The following RPS6KA3 variants were observed in gnomAD, a reference collection of about 807,000 sequenced individuals.
RPS6KA3 encodes ribosomal protein S6 kinase A3, also known as ribosomal protein S6 kinase alpha-3.
In RPS6KA3, 4 loss-of-function variants were observed where a neutral mutation model predicts 67.2. The observed-to-expected ratio is 0.06, with a 90% CI of 0.03 to 0.14. RPS6KA3 has a LOEUF of 0.14. Ranked by LOEUF, RPS6KA3 falls within the 10% of genes least tolerant of loss-of-function variation. RPS6KA3 has a pLI of 1.00. For missense variants in RPS6KA3, 204 were observed against 559.0 expected (o/e 0.36, Z 6.40); for synonymous variants, 182 against 183.7 (o/e 0.99, Z 0.07).
intron 1 of RPS6KA3, among the ~76,000 whole-genome samples, chrX:20,261,404 C>A (rs2070226124): frequency 8.9e-6 from 1 of 111,981 alleles, no homozygotes; most frequent in Admixed American, 9.4e-5. Context: ...TATCACATGA[C>A]CCCATAAAAA....
intron 1 of RPS6KA3, among the ~76,000 whole-genome samples, chrX:20,255,622 A>C (rs1238961687): frequency 9.2e-6 from 1 of 108,380 alleles, no homozygotes; most frequent in African/African-American, 3.4e-5. Flanking sequence ...CCCTGTCTCT[A>C]CTAAAAATAC....
intron 4 of RPS6KA3, among the ~76,000 whole-genome samples, chrX:20,200,685 T>C (rs1399859066): frequency 9.0e-6 from 1 of 111,423 alleles, no homozygotes; most frequent in East Asian, 2.8e-4. Flanking sequence ...TCTCTATTTT[T>C]CCTTATTAAA....
At chrX:20,156,446 A>G (rs1441287816) in intron 20 of RPS6KA3, among the ~76,000 whole-genome samples, 197 bp from the exon 21 acceptor site, 1 of 111,742 alleles carries the variant, frequency 8.9e-6, no homozygotes, top group Admixed American at 9.5e-5. Context: ...AATTTGGTGC[A>G]TCACAAGGGG....
At chrX:20,176,861 G>T in intron 11 of RPS6KA3, 135 bp downstream of exon 11, 1 of 509,894 alleles carries the variant, frequency 2.0e-6, no homozygotes, top group South Asian at 3.0e-5. Flanking sequence ...CAAAGTGCTG[G>T]GATTACAGGC....
At chrX:20,176,198 G>GA in intron 13 of RPS6KA3, 52 bp downstream of exon 13, 2 of 842,042 alleles carry the variant, frequency 2.4e-6, no homozygotes, top group Non-Finnish European at 3.6e-6. Flanking sequence ...GATGAAACAA[G>GA]AAAAAAACAT....
intron 2 of RPS6KA3, 109 bp downstream of exon 2, chrX:20,234,649 C>T (rs1006061076): frequency 3.5e-6 from 2 of 575,628 alleles, no homozygotes; most frequent in Non-Finnish European, 3.0e-6. Context: ...GTGAAAGGAT[C>T]GACAAGTTTC....
At chrX:20,264,909 A>C (rs978608524) in intron 1 of RPS6KA3, among the ~76,000 whole-genome samples, 3 of 112,196 alleles carry the variant, frequency 2.7e-5, no homozygotes, top group African/African-American at 9.7e-5. Context: ...TCTGGGGAAA[A>C]ATATGACGAG....
At chrX:20,188,664 TGGCAAA>T in intron 7 of RPS6KA3, 130 bp from the exon 8 acceptor site, 1 of 427,108 alleles carries the variant, frequency 2.3e-6, no homozygotes, top group Non-Finnish European at 4.2e-6. Flanking sequence ...GTGAATAAGA[TGGCAAA>T]GGCAAAGGAG....
chrX:20,260,962 G>A (rs1257964967), intron 1 of RPS6KA3, among the ~76,000 whole-genome samples: 5 of 111,893 alleles, frequency 4.5e-5, no homozygotes, highest in Non-Finnish European at 7.5e-5. Flanking sequence ...ACCCCACAAA[G>A]TCCCTTCTAA....
rs758481332 is a variant in RPS6KA3, at chrX:20,152,609, G to C, written c.*2789C>G. On this transcript the variant is annotated 3_prime_UTR_variant, in exon 22 of 22. Coordinates refer to ENST00000379565, the MANE Select transcript of RPS6KA3 (RefSeq NM_004586.3). The stretch of plus-strand genomic sequence containing the variant: ...AACTGTAGGGGCCTGAATAATTGAT[G>C]TTGAGAAATTAATGGAAAAGTTAAC... 8.9e-6 allele frequency: 1 copy of C among 112,259 alleles called. No homozygotes were observed. Among genetic ancestry groups the C allele is most frequent in the African/African-American group, 3.2e-5 (1 of 30,950 alleles). 9.3% of individuals were successfully genotyped at this position (112,259 alleles called of 1,213,427 possible).
intron 17 of RPS6KA3, among the ~76,000 whole-genome samples, chrX:20,166,542 T>C (rs905955490): frequency 9.0e-6 from 1 of 111,048 alleles, no homozygotes; most frequent in African/African-American, 3.3e-5. Context: ...TATATATGCA[T>C]GTATCAAAAC....
chrX:20,198,283 A>G (rs1473231318), intron 4 of RPS6KA3, among the ~76,000 whole-genome samples: 1 of 112,254 alleles, frequency 8.9e-6, no homozygotes, highest in Non-Finnish European at 1.9e-5. Flanking sequence ...AAAGCTAAAA[A>G]TCTAAGCCTA....
At chrX:20,250,849 T>C (rs1359366564) in intron 1 of RPS6KA3, among the ~76,000 whole-genome samples, 3 of 112,244 alleles carry the variant, frequency 2.7e-5, no homozygotes, top group Non-Finnish European at 3.8e-5. Context: ...TAGGTTTTGC[T>C]ATCAGGATAA....
rs768758255 is a variant in RPS6KA3, at chrX:20,159,178, A to G, written c.1959+2466T>C. ...CTCAATTTCTCTTCCATTTGGCTCA[A>G]ATTCCATCACAACTGCTCTAATATA... On this transcript the variant is annotated intron_variant, in intron 20 of 21. Transcript: ENST00000379565. Among the ~76,000 whole-genome samples, 9 of 112,333 alleles carry G rather than the reference A, an allele frequency of 8.0e-5. No homozygotes were observed. In the South Asian group the frequency reaches 2.9e-3, roughly 37 times the overall value.
intron 10 of RPS6KA3, among the ~76,000 whole-genome samples, chrX:20,178,636 C>CT (rs757383642): frequency 0.038 from 1,503 of 39,429 alleles, 227 homozygotes; most frequent in Middle Eastern, 0.12. Flanking sequence ...CCACACCTGG[C>CT]TTTTTTTTTT....
intron 1 of RPS6KA3, among the ~76,000 whole-genome samples, chrX:20,244,432 A>G (rs752230713): frequency 1.1e-4 from 12 of 112,782 alleles, no homozygotes; most frequent in African/African-American, 3.9e-4. Flanking sequence ...TACTGGGTCA[A>G]GGAAATAAGT....
chrX:20,242,651 T>C (rs1001098325), intron 1 of RPS6KA3, among the ~76,000 whole-genome samples: 1 of 111,930 alleles, frequency 8.9e-6, no homozygotes, highest in Non-Finnish European at 1.9e-5. Flanking sequence ...CCAAAAGTAA[T>C]AATGTAAGAA....
rs973130874 is a variant in RPS6KA3 at position 20,155,060 on chromosome X, T to C, written c.*338A>G. The C allele has an allele frequency of 7.6e-6, 2 of 263,700 alleles. No individual in the cohort carries two copies. Among genetic ancestry groups the C allele is most frequent in the African/African-American group, 5.6e-5 (2 of 35,852 alleles). 21.7% of individuals were successfully genotyped at this position (263,700 alleles called of 1,213,427 possible). The stretch of plus-strand genomic sequence containing the variant: ...ACTAACAAAGAATATTTAAGGGACA[T>C]GAAATATTTCCTATAAAAATAATGC... On this transcript the variant is annotated 3_prime_UTR_variant, in exon 22 of 22. Transcript: ENST00000379565.
At chrX:20,190,680 G>A (rs2068097269) in intron 7 of RPS6KA3, among the ~76,000 whole-genome samples, 1 of 110,417 alleles carries the variant, frequency 9.1e-6, no homozygotes, top group Non-Finnish European at 1.9e-5. Context: ...GTTATAAGTT[G>A]GGAAAATAAT....
Sources: gnomAD v4.1 joint callset for allele counts (sites outside exome capture counted in the v4.1 genomes callset) on GRCh38, gnomAD v4.1.1 for gene constraint, MANE v1.5 for transcripts, NCBI Gene and HGNC (gene_info 2026-07-23, HGNC 2026-07-21) for gene names.